The following ANO7 variants were observed in gnomAD, a reference collection of about 807,000 sequenced individuals.
The protein encoded by ANO7 is anoctamin-7.
ANO7 carries 114 observed loss-of-function variants against 115.8 expected under a neutral mutation model. The ratio of observed to expected loss-of-function variants is 0.98; its 90% CI spans 0.85 to 1.15. ANO7 has a LOEUF of 1.15. ANO7 is among the 50% of genes most tolerant of loss of function. ANO7 has a pLI of 0.00. For synonymous variants in ANO7, 550 were observed against 498.2 expected (o/e 1.10, Z -1.38); for missense variants, 1,302 against 1,201.2 (o/e 1.08, Z -1.24).
chr2:241,235,628 A>T, the ANO7 span: 5 of 1,468,422 alleles, frequency 3.4e-6, no homozygotes, highest in Admixed American at 8.4e-5. Flanking sequence ...AGGCCGTGGG[A>T]GCTGAGAGCA....
At chr2:241,236,276 C>T in the ANO7 span, 235 of 329,380 alleles carry the variant, frequency 7.1e-4, no homozygotes, top group Non-Finnish European at 1.1e-3. Context: ...ACCCCACTCA[C>T]GCGGGGGGAG....
At chr2:241,189,498 C>T (rs2068137798) in intron 1 of ANO7, among the ~76,000 whole-genome samples, 1 of 152,112 alleles carries the variant, frequency 6.6e-6, no homozygotes, top group South Asian at 2.1e-4. Flanking sequence ...AGAGAGAGAC[C>T]CCCGGGGCGA....
chr2:241,236,852 C>T, the ANO7 span: 1 of 1,455,886 alleles, frequency 6.9e-7, no homozygotes, highest in South Asian at 1.3e-5. Flanking sequence ...GTCTGTGAGG[C>T]ACCTGCTGGG....
chr2:241,233,929 T>C, the ANO7 span: 2 of 1,614,058 alleles, frequency 1.2e-6, no homozygotes. This position sits in a 1 kb window ranked among gnomAD's most constrained non-coding sequence, Gnocchi z 4.3. Context: ...GTATTTGGGG[T>C]CTACAGTGAC....
Position 241,197,986 on chromosome 2 carries a change from GT to G in ANO7, c.310-1328del, listed in dbSNP as rs765613775. Among the ~76,000 whole-genome samples the G allele has an allele frequency of 4.7e-4, 72 of 152,328 alleles. 2 individuals carry two copies. In the East Asian group the frequency reaches 5.6e-3, roughly 12 times the overall value. On this transcript the variant is annotated intron_variant, in intron 4 of 24. Transcript: ENST00000674324. ...CTTCCTTATTAAGGCTTAGGAGCTT[GT>G]TGTCTGTTCTGGACACTTAGCCATT...
In ANO7 at chr2:241,201,302, C is replaced by T; in HGVS notation, c.559C>T (p.Leu187Phe). Residue 187 changes from leucine to phenylalanine, a missense_variant, in exon 7 of 25, where the codon CTC becomes TTC. Physicochemically the swap from Leu to Phe is conservative, Grantham distance 22. Transcript: ENST00000674324. ...RFRVNKLPRFLGSDNQDTFFT... is the reference protein window; with the variant it reads ...RFRVNKLPRFFGSDNQDTFFT... The stretch of plus-strand genomic sequence containing the variant: ...GCACTGTTCACATGCCCACAGCTTC[C>T]TCGGGAGTGACAACCAGGACACCTT... The T allele has an allele frequency of 1.2e-6, 2 of 1,613,352 alleles. No homozygotes were observed. Among genetic ancestry groups the T allele is most frequent in the South Asian group, 2.2e-5 (2 of 90,912 alleles).
At chr2:241,189,100 TGGG>T (rs1196848736) in intron 1 of ANO7, among the ~76,000 whole-genome samples, 1 of 152,054 alleles carries the variant, frequency 6.6e-6, no homozygotes. Flanking sequence ...CACAGAAGGA[TGGG>T]GGCATGAGGG....
intron 3 of ANO7, among the ~76,000 whole-genome samples, chr2:241,192,498 T>C (rs1574755299): frequency 6.6e-6 from 1 of 152,318 alleles, no homozygotes; most frequent in South Asian, 2.1e-4. Context: ...CCCCGGGGTC[T>C]CTTCCTCCTA....
At chr2:241,208,015 T>C (rs2068630640) in intron 11 of ANO7, among the ~76,000 whole-genome samples, 1 of 152,116 alleles carries the variant, frequency 6.6e-6, no homozygotes, top group African/African-American at 2.4e-5. Context: ...CCAAAGGTTT[T>C]GAGCAGAATT....
intron 9 of ANO7, among the ~76,000 whole-genome samples, chr2:241,204,039 G>A (rs1206928618): frequency 6.6e-6 from 1 of 152,128 alleles, no homozygotes; most frequent in Non-Finnish European, 1.5e-5. Context: ...CGCACACACA[G>A]CCCCACCGTG....
intron 6 of ANO7, among the ~76,000 whole-genome samples, chr2:241,200,975 C>T (rs997560150): frequency 1.3e-5 from 2 of 152,244 alleles, no homozygotes; most frequent in South Asian, 2.1e-4. Context: ...CTCTCTACAC[C>T]GCCCTGCCCT....
chr2:241,190,214 C>A, intron 2 of ANO7, 43 bp downstream of exon 2: 2 of 1,512,520 alleles, frequency 1.3e-6, no homozygotes, highest in Non-Finnish European at 8.9e-7. Context: ...GAGAGGTCCT[C>A]CCCTGCCTGG....
rs2069132199 is a variant in ANO7 at position 241,225,298 on chromosome 2, G to C, written c.*1145G>C. On this transcript the variant is annotated 3_prime_UTR_variant, in exon 25 of 25. Transcript: ENST00000674324. ...CCCAGGACTTTGGGAGGCTGAGGCAGGAGGATTACAAGGTCAGGAGTTCGG... is the reference window on the plus strand; with the variant it reads ...CCCAGGACTTTGGGAGGCTGAGGCACGAGGATTACAAGGTCAGGAGTTCGG... 6.6e-6 allele frequency: 1 copy of C among 152,126 alleles called. No homozygotes were observed. The highest frequency in any genetic ancestry group is 2.4e-5 in the African/African-American group (1 of 41,428). 9.4% of individuals were successfully genotyped at this position (152,126 alleles called of 1,614,324 possible). A position where few individuals can be genotyped will look rare whatever the true frequency, so the allele number is the denominator to read the frequency against.
downstream of ANO7, among the ~76,000 whole-genome samples, chr2:241,226,487 C>T (rs1261174955): frequency 4.0e-5 from 6 of 151,468 alleles, no homozygotes; most frequent in East Asian, 3.9e-4. Context: ...TGCAGTGGTA[C>T]GATCTCGGCT....
chr2:241,190,090 G>A lies in ANO7; in HGVS notation c.27G>A (p.Glu9=). The part of the protein sequence containing the change: MLRRRAQE[E]DSTVLIDVSP... ...TGCTGCGGCGACGGGCCCAGGAAGAGGACAGCACCGTCCTGATCGATGTGA... is the reference window on the plus strand; with the variant it reads ...TGCTGCGGCGACGGGCCCAGGAAGAAGACAGCACCGTCCTGATCGATGTGA... The change falls in exon 2 of 25, where the codon GAG becomes GAA. Residue 9 remains glutamate (E), a synonymous_variant. Coordinates refer to ENST00000674324, the MANE Select transcript of ANO7 (RefSeq NM_001370694.2). 6.3e-7 allele frequency: 1 copy of A among 1,582,882 alleles called. No homozygotes were observed. Among genetic ancestry groups the A allele is most frequent in the Non-Finnish European group, 8.6e-7 (1 of 1,164,910 alleles).
chr2:241,239,444 T>G, the ANO7 span, among the ~76,000 whole-genome samples: 1 of 151,906 alleles, frequency 6.6e-6, no homozygotes, highest in Non-Finnish European at 1.5e-5. The surrounding 1 kb of genome is among the most constrained non-coding windows in gnomAD (Gnocchi z 4.6). Context: ...CCAGACAGGC[T>G]GAGGAAAGAA....
chr2:241,189,988 T>C, intron 1 of ANO7, 69 bp from the exon 2 acceptor site: 1 of 1,238,794 alleles, frequency 8.1e-7, no homozygotes, highest in South Asian at 1.3e-5. Flanking sequence ...GGCAGTGTGG[T>C]GGCCCCAGGA....
intron 17 of ANO7, chr2:241,212,954 G>T (rs1402260345): frequency 6.3e-6 from 2 of 316,876 alleles, no homozygotes; most frequent in Non-Finnish European, 1.2e-5. Context: ...ACAACATAGT[G>T]AGTCCTCATC....
intron 17 of ANO7, among the ~76,000 whole-genome samples, chr2:241,214,274 C>T (rs1282866408): frequency 6.6e-6 from 1 of 152,182 alleles, no homozygotes; most frequent in African/African-American, 2.4e-5. Context: ...GCTACGCGGG[C>T]TTAGGTATGA....
Sources: allele counts gnomAD v4.1 joint callset (sites outside exome capture counted in the v4.1 genomes callset), GRCh38; gene constraint gnomAD v4.1.1; non-coding constraint Gnocchi (gnomAD v3.1); transcripts MANE v1.5; gene names NCBI Gene and HGNC (gene_info 2026-07-23, HGNC 2026-07-21).